KCND2: variants seen among roughly 807,000 people sequenced by gnomAD.
The protein encoded by KCND2 is A-type voltage-gated potassium channel KCND2.
Under a neutral mutation model 54.4 loss-of-function variants are expected in KCND2, and 16 were observed. The observed-to-expected ratio is 0.29, with a 90% CI of 0.20 to 0.45. The LOEUF (loss-of-function observed/expected upper bound fraction) is 0.45. Among genes scored for constraint, KCND2 ranks in the 20% least tolerant of loss-of-function variants. KCND2 has a pLI of 1.00. For synonymous variants in KCND2, 317 were observed against 310.7 expected (o/e 1.02, Z -0.21); for missense variants, 486 against 824.2 (o/e 0.59, Z 5.02).
At chr7:120,441,421 T>A (rs1348946598) in intron 1 of KCND2, among the ~76,000 whole-genome samples, 1 of 152,116 alleles carries the variant, frequency 6.6e-6, no homozygotes, top group Non-Finnish European at 1.5e-5. Context: ...CTCATTTAAT[T>A]CTTCTGGAAA....
chr7:120,681,283 G>C (rs969539757), intron 1 of KCND2, among the ~76,000 whole-genome samples: 1 of 151,930 alleles, frequency 6.6e-6, no homozygotes, highest in South Asian at 2.1e-4. Flanking sequence ...CACTAGCTAG[G>C]GGTATGGGGG....
At chr7:120,615,197 C>G (rs1793008427) in intron 1 of KCND2, among the ~76,000 whole-genome samples, 1 of 152,138 alleles carries the variant, frequency 6.6e-6, no homozygotes, top group East Asian at 1.9e-4. Flanking sequence ...AATGCTTGCT[C>G]TTCTTAGTTT....
chr7:120,635,410 AT>A (rs1358273269), intron 1 of KCND2, among the ~76,000 whole-genome samples: 4 of 152,346 alleles, frequency 2.6e-5, no homozygotes, highest in African/African-American at 9.6e-5. Flanking sequence ...TCATGTAAAT[AT>A]TCAGTGCAGT....
intron 1 of KCND2, among the ~76,000 whole-genome samples, chr7:120,291,139 T>C (rs1799429473): frequency 6.6e-6 from 1 of 151,954 alleles, no homozygotes; most frequent in African/African-American, 2.4e-5. Flanking sequence ...ATCTATGTGA[T>C]TTGCCCATCA....
intron 1 of KCND2, among the ~76,000 whole-genome samples, chr7:120,424,185 A>G (rs958541316): frequency 5.3e-5 from 8 of 152,318 alleles, no homozygotes; most frequent in Admixed American, 5.2e-4. Flanking sequence ...GGTAGTGGTT[A>G]AGAAGTGGGC....
intron 1 of KCND2, among the ~76,000 whole-genome samples, chr7:120,277,088 G>A (rs903260477): frequency 6.6e-6 from 1 of 152,048 alleles, no homozygotes; most frequent in East Asian, 1.9e-4. Flanking sequence ...ATGTCATGTG[G>A]CCAGCTAATG....
At position 120,643,668 on chromosome 7, in the gene KCND2, T is replaced by C. The variant is rs1223946104; in HGVS notation, c.1116-89235T>C. 3.9e-5 allele frequency among the ~76,000 whole-genome samples: 6 copies of C among 152,012 alleles called. No individual in the cohort carries two copies. In the East Asian group the frequency reaches 1.2e-3, roughly 29 times the overall value. On this transcript the variant is annotated intron_variant, in intron 1 of 5. Coordinates refer to ENST00000331113, the MANE Select transcript of KCND2 (RefSeq NM_012281.3). ...GATAAATAAGGATCATAACAACTTATTTCAGAAAATTTATTTTAAATACTC... is the reference window on the plus strand; with the variant it reads ...GATAAATAAGGATCATAACAACTTACTTCAGAAAATTTATTTTAAATACTC...
chr7:120,578,680 G>A (rs1326571295), intron 1 of KCND2, among the ~76,000 whole-genome samples: 1 of 152,024 alleles, frequency 6.6e-6, no homozygotes, highest in African/African-American at 2.4e-5. Flanking sequence ...CCTGGCCAAG[G>A]TAGTGAAACC....
At chr7:120,378,666 G>A (rs933016710) in intron 1 of KCND2, among the ~76,000 whole-genome samples, 2 of 151,928 alleles carry the variant, frequency 1.3e-5, no homozygotes, top group Non-Finnish European at 2.9e-5. Context: ...TTACTGGATT[G>A]CCTTGTCATA....
rs1434002803 is a variant in KCND2 at position 120,748,109 on chromosome 7, C to T, written c.*251C>T. 3.7e-5 allele frequency: 12 copies of T among 324,522 alleles called. No individual in the cohort carries two copies. In the East Asian group the frequency reaches 4.7e-4, roughly 13 times the overall value. The allele number at this position is 324,522 out of a possible 1,614,324, so 20.1% of individuals were successfully genotyped here. On this transcript the variant is annotated 3_prime_UTR_variant, in exon 6 of 6. Coordinates refer to ENST00000331113, the MANE Select transcript of KCND2 (RefSeq NM_012281.3). ...TTTGTGAATGAGCACAATGAAATGCCGCCTACTGATGCTTCTTATGATCAG... is the reference window on the plus strand; with the variant it reads ...TTTGTGAATGAGCACAATGAAATGCTGCCTACTGATGCTTCTTATGATCAG...
In KCND2 at chr7:120,658,143, C is replaced by T. The variant is rs140597051; in HGVS notation, c.1116-74760C>T. Among the ~76,000 whole-genome samples, 22 of 152,138 alleles carry T rather than the reference C, an allele frequency of 1.4e-4. No individual in the cohort carries two copies. In the East Asian group the frequency reaches 1.7e-3, roughly 12 times the overall value. On this transcript the variant is annotated intron_variant, in intron 1 of 5. Transcript: ENST00000331113. ...TCAGCTTCACAGGAAGAAAATTGCA[C>T]GTGGGTTCCTGATATTTCACACAAG...
intron 1 of KCND2, among the ~76,000 whole-genome samples, chr7:120,355,151 A>G (rs1006786193): frequency 2.6e-5 from 4 of 152,194 alleles, no homozygotes; most frequent in Non-Finnish European, 4.4e-5. Context: ...TTTAAGTTGA[A>G]AATATTGTTA....
In KCND2 at chr7:120,396,773, G is replaced by GA. The variant is rs1160663935; in HGVS notation, c.1115+121028dup. ...TAGGTAAAGACAATGGTAAAAGCAAGAACTCTCCAAGTTATTGCCTTACAT... is the reference window on the plus strand; with the variant it reads ...TAGGTAAAGACAATGGTAAAAGCAAGAAACTCTCCAAGTTATTGCCTTACAT... On this transcript the variant is annotated intron_variant, in intron 1 of 5. Coordinates refer to ENST00000331113, the MANE Select transcript of KCND2 (RefSeq NM_012281.3). 2.0e-5 allele frequency among the ~76,000 whole-genome samples: 3 copies of GA among 152,024 alleles called. No homozygotes were observed. The East Asian group carries it at 5.8e-4, about 29-fold the overall frequency.
intron 1 of KCND2, among the ~76,000 whole-genome samples, chr7:120,430,898 A>G (rs1157634159): frequency 6.6e-6 from 1 of 152,222 alleles, no homozygotes; most frequent in African/African-American, 2.4e-5. Context: ...GTTTATTTTA[A>G]TTGGTAAAGG....
At chr7:120,610,127 G>A (rs181774446) in intron 1 of KCND2, among the ~76,000 whole-genome samples, 12 of 152,116 alleles carry the variant, frequency 7.9e-5, no homozygotes, top group Non-Finnish European at 1.5e-4. Flanking sequence ...AATGGCATGC[G>A]TGACTAAACT....
At chr7:120,310,662 G>T (rs1442479483) in intron 1 of KCND2, among the ~76,000 whole-genome samples, 1 of 151,980 alleles carries the variant, frequency 6.6e-6, no homozygotes, top group Non-Finnish European at 1.5e-5. Flanking sequence ...TCACGGTTGT[G>T]GTGGCTCACG....
intron 1 of KCND2, among the ~76,000 whole-genome samples, chr7:120,304,535 T>C (rs1799624172): frequency 6.6e-6 from 1 of 152,192 alleles, no homozygotes; most frequent in East Asian, 1.9e-4. Context: ...CCACACCAGA[T>C]AGACTGCATC....
intron 1 of KCND2, among the ~76,000 whole-genome samples, chr7:120,676,658 G>C (rs1479468209): frequency 6.6e-6 from 1 of 152,126 alleles, no homozygotes; most frequent in African/African-American, 2.4e-5. Context: ...TCAAAGATGA[G>C]TTATGAAGTG....
chr7:120,563,029 A>C (rs924664995), intron 1 of KCND2, among the ~76,000 whole-genome samples: 2 of 152,212 alleles, frequency 1.3e-5, no homozygotes, highest in African/African-American at 4.8e-5. Context: ...TGGATTAGAA[A>C]TGTCATGCAA....
Sources: allele counts gnomAD v4.1 joint callset (sites outside exome capture counted in the v4.1 genomes callset), GRCh38; gene constraint gnomAD v4.1.1; transcripts MANE v1.5; gene names NCBI Gene and HGNC (gene_info 2026-07-23, HGNC 2026-07-21).